THADA: variants seen among roughly 807,000 people sequenced by gnomAD.
THADA encodes THADA armadillo repeat containing.
In THADA, 213 loss-of-function variants were observed where a neutral mutation model predicts 219.8. The ratio of observed to expected loss-of-function variants is 0.97; its 90% CI spans 0.87 to 1.09. The LOEUF (loss-of-function observed/expected upper bound fraction) is 1.09, where lower values mean the gene tolerates loss of function less well. Among genes scored for constraint, THADA ranks in the 50% least tolerant of loss-of-function variants. The probability of loss-of-function intolerance (pLI) is 0.00; values close to 1 mark genes in which losing one functional copy is unlikely to be tolerated. For synonymous variants in THADA, 1,018 were observed against 828.9 expected (o/e 1.23, Z -3.92); for missense variants, 2,956 against 2,311.3 (o/e 1.28, Z -5.72).
chr2:43,490,588 G>C (rs1256590215), intron 25 of THADA, among the ~76,000 whole-genome samples: 1 of 151,946 alleles, frequency 6.6e-6, no homozygotes, highest in Non-Finnish European at 1.5e-5. Context: ...TTGTTCTTTA[G>C]TCTATTCACA....
chr2:43,291,057 T>A (rs959357311), intron 34 of THADA, among the ~76,000 whole-genome samples: 7 of 151,858 alleles, frequency 4.6e-5, no homozygotes, highest in African/African-American at 1.7e-4. Context: ...CCTCTTTAAA[T>A]AAAGAGTCCA....
chr2:43,550,334 G>A (rs1227737845), intron 19 of THADA, among the ~76,000 whole-genome samples: 2 of 152,114 alleles, frequency 1.3e-5, no homozygotes, highest in Non-Finnish European at 2.9e-5. Flanking sequence ...TTACTATCAT[G>A]ATGATTCAAT....
chr2:43,292,754 C>G, intron 32 of THADA, 80 bp downstream of exon 32: 7 of 1,531,064 alleles, frequency 4.6e-6, no homozygotes, highest in Non-Finnish European at 8.7e-7. Flanking sequence ...CCAATCTTGC[C>G]TTCATGATCC....
intron 29 of THADA, among the ~76,000 whole-genome samples, chr2:43,344,759 G>GTTTTTTTTTT (rs1242915350): frequency 1.3e-5 from 2 of 149,324 alleles, no homozygotes; most frequent in African/African-American, 5.0e-5. Flanking sequence ...ACTATTTAGG[G>GTTTTTTTTTT]TTTTTTTTGT....
intron 25 of THADA, among the ~76,000 whole-genome samples, chr2:43,487,517 T>C (rs1329598692): frequency 1.3e-5 from 2 of 152,206 alleles, no homozygotes; most frequent in Admixed American, 6.5e-5. Flanking sequence ...TTTTTAGTAA[T>C]ATTAAGATGG....
At chr2:43,436,333 T>G (rs1011824338) in intron 26 of THADA, among the ~76,000 whole-genome samples, 1 of 152,050 alleles carries the variant, frequency 6.6e-6, no homozygotes, top group South Asian at 2.1e-4. Context: ...ACATAAATGG[T>G]GTCTGTTTTT....
At chr2:43,575,681 C>T (rs932304617) in intron 10 of THADA, among the ~76,000 whole-genome samples, 2 of 152,074 alleles carry the variant, frequency 1.3e-5, no homozygotes, top group Admixed American at 6.6e-5. Context: ...GGATTACAGG[C>T]GCATGCCCCC....
At chr2:43,519,439 A>C (rs1398088730) in intron 22 of THADA, among the ~76,000 whole-genome samples, 1 of 152,162 alleles carries the variant, frequency 6.6e-6, no homozygotes, top group African/African-American at 2.4e-5. Context: ...AATTCAATGA[A>C]CATTCCCTGG....
intron 26 of THADA, among the ~76,000 whole-genome samples, chr2:43,475,084 A>G (rs1685354095): frequency 6.6e-6 from 1 of 152,204 alleles, no homozygotes; most frequent in South Asian, 2.1e-4. Context: ...ACATCAAAAC[A>G]CTTGGTTCAT....
chr2:43,277,472 A>C (rs978216334), intron 36 of THADA, among the ~76,000 whole-genome samples: 5 of 151,340 alleles, frequency 3.3e-5, no homozygotes, highest in Admixed American at 2.0e-4. Context: ...CTTTGGGCCC[A>C]CTCCACTCTC....
At chr2:43,437,057 AT>A (rs1680212269) in intron 26 of THADA, among the ~76,000 whole-genome samples, 2 of 152,110 alleles carry the variant, frequency 1.3e-5, no homozygotes, top group Admixed American at 6.5e-5. Context: ...GCAACTCATT[AT>A]TTTTGCACAC....
chr2:43,482,019 T>C (rs762360995), intron 26 of THADA, among the ~76,000 whole-genome samples: 1 of 152,164 alleles, frequency 6.6e-6, no homozygotes, highest in East Asian at 1.9e-4. Flanking sequence ...TGAGGAGCTA[T>C]GAAGCTGAGC....
At chr2:43,520,693 T>C (rs976880133) in intron 22 of THADA, among the ~76,000 whole-genome samples, 2 of 131,758 alleles carry the variant, frequency 1.5e-5, no homozygotes, top group African/African-American at 6.1e-5. Flanking sequence ...CTATCTCAAA[T>C]ATTTATACGT....
chr2:43,480,280 A>G (rs957147892), intron 26 of THADA, among the ~76,000 whole-genome samples: 2 of 152,198 alleles, frequency 1.3e-5, no homozygotes, highest in Non-Finnish European at 2.9e-5. Flanking sequence ...AGGGTCTGGC[A>G]TGGCCCACGC....
chr2:43,569,519 A>G (rs1699062381), intron 14 of THADA, among the ~76,000 whole-genome samples: 1 of 152,204 alleles, frequency 6.6e-6, no homozygotes, highest in African/African-American at 2.4e-5. Flanking sequence ...GTGACGTCCC[A>G]ATCTTCGTCA....
intron 36 of THADA, among the ~76,000 whole-genome samples, chr2:43,260,939 T>C (rs1442878335): frequency 1.3e-5 from 2 of 152,188 alleles, no homozygotes; most frequent in African/African-American, 4.8e-5. Context: ...GCTTGACCTT[T>C]TACATTCTGA....
chr2:43,505,972 C>A (rs1245054852), intron 23 of THADA, among the ~76,000 whole-genome samples: 1 of 152,194 alleles, frequency 6.6e-6, no homozygotes, highest in East Asian at 1.9e-4. Flanking sequence ...AGGTCACTTC[C>A]ACTTTGCTCA....
chr2:43,475,989 A>G (rs1253253569), intron 26 of THADA, among the ~76,000 whole-genome samples: 2 of 152,176 alleles, frequency 1.3e-5, no homozygotes, highest in Non-Finnish European at 2.9e-5. Flanking sequence ...TTATTCCTCT[A>G]TCTCATCCTT....
chr2:43,355,666 C>A (rs1668798806), intron 29 of THADA, among the ~76,000 whole-genome samples: 1 of 152,082 alleles, frequency 6.6e-6, no homozygotes, highest in South Asian at 2.1e-4. Context: ...TTTGAGTTGA[C>A]TTTTGTGTAA....
Sources: allele counts gnomAD v4.1 joint callset (sites outside exome capture counted in the v4.1 genomes callset), GRCh38; gene constraint gnomAD v4.1.1; transcripts MANE v1.5; gene names NCBI Gene and HGNC (gene_info 2026-07-23, HGNC 2026-07-21).